The following CUBN variants were observed in gnomAD, a reference collection of about 807,000 sequenced individuals.
The protein encoded by CUBN is 460 kDa receptor.
In CUBN, 282 loss-of-function variants were observed where a neutral mutation model predicts 405.3. The observed-to-expected ratio is 0.70, with a 90% confidence interval of 0.63 to 0.77. The LOEUF (loss-of-function observed/expected upper bound fraction) is 0.77. Among genes scored for constraint, CUBN ranks in the 30% least tolerant of loss-of-function variants. The pLI, the probability that CUBN is intolerant of heterozygous loss-of-function variation, is 0.00. For synonymous variants in CUBN, 1,684 were observed against 1,617.0 expected (o/e 1.04, Z -0.99); for missense variants, 4,514 against 4,475.2 (o/e 1.01, Z -0.25).
intron 31 of CUBN, among the ~76,000 whole-genome samples, chr10:16,961,866 T>C (rs375039835): frequency 0.92 from 138,994 of 151,686 alleles, 64,289 homozygotes; most frequent in Non-Finnish European, 0.96. Context: ...CGCCCGCCAC[T>C]ACGCCTGGCT....
chr10:16,886,828 G>A (rs1049791973), intron 56 of CUBN, among the ~76,000 whole-genome samples: 15 of 152,144 alleles, frequency 9.9e-5, no homozygotes, highest in East Asian at 3.9e-4. Context: ...CGCTCTTGTC[G>A]CCCAGGCTGG....
At chr10:16,971,149 T>G (rs1345299871) in intron 31 of CUBN, among the ~76,000 whole-genome samples, 2 of 152,214 alleles carry the variant, frequency 1.3e-5, no homozygotes, top group Non-Finnish European at 2.9e-5. Context: ...CACTGGCAAC[T>G]GAATATTTTT....
intron 41 of CUBN, among the ~76,000 whole-genome samples, chr10:16,927,515 G>A (rs775192734): frequency 4.2e-4 from 64 of 152,286 alleles, no homozygotes; most frequent in Non-Finnish European, 6.3e-4. Flanking sequence ...GTTAGATTGA[G>A]AATCTACTTT....
chr10:16,982,403 T>A, intron 31 of CUBN, 81 bp downstream of exon 31: 5 of 1,226,950 alleles, frequency 4.1e-6, no homozygotes, highest in Non-Finnish European at 6.0e-6. Flanking sequence ...CCATAAGTAA[T>A]ACATTCACTA....
chr10:16,963,836 G>A (rs1360633341), intron 31 of CUBN, among the ~76,000 whole-genome samples: 1 of 152,182 alleles, frequency 6.6e-6, no homozygotes, highest in Non-Finnish European at 1.5e-5. Context: ...TGTACATAAA[G>A]TCTTAAAATA....
intron 14 of CUBN, among the ~76,000 whole-genome samples, chr10:17,095,557 C>T (rs1836355381): frequency 6.6e-6 from 1 of 151,902 alleles, no homozygotes; most frequent in South Asian, 2.1e-4. Context: ...CAATAAGATG[C>T]CACCTCATAC....
At chr10:16,870,164 T>G (rs1306149537) in intron 58 of CUBN, among the ~76,000 whole-genome samples, 1 of 152,164 alleles carries the variant, frequency 6.6e-6, no homozygotes, top group Non-Finnish European at 1.5e-5. Flanking sequence ...GAGAACAACT[T>G]TTGACAAGTT....
intron 43 of CUBN, among the ~76,000 whole-genome samples, chr10:16,920,759 T>C (rs1266128832): frequency 6.6e-6 from 1 of 152,212 alleles, no homozygotes; most frequent in East Asian, 1.9e-4. Context: ...TAAATATTCT[T>C]TGGCATTTTC....
intron 31 of CUBN, among the ~76,000 whole-genome samples, chr10:16,972,140 G>A (rs904727129): frequency 2.0e-5 from 3 of 152,048 alleles, no homozygotes; most frequent in East Asian, 1.9e-4. Context: ...AGCACTCAGC[G>A]CACCTCCTCA....
intron 59 of CUBN, among the ~76,000 whole-genome samples, chr10:16,868,186 C>G (rs1230358748): frequency 6.6e-6 from 1 of 152,144 alleles, no homozygotes; most frequent in African/African-American, 2.4e-5. Flanking sequence ...ACTGTTGAGA[C>G]AGCTAAGTAG....
chr10:17,047,548 G>T lies in CUBN; in HGVS notation c.3195C>A (p.Pro1065=). ...ATTCCCAGTTGTTGGGATAATTATT[G>T]GGGAAGTTTGGAGAAGTGAATGTCC... The part of the protein sequence containing the change: ...DLGTFTSPNF[P]NNYPNNWECI... Residue 1065 remains proline, a synonymous_variant, in exon 23 of 67, where the codon CCC becomes CCA. Transcript: ENST00000377833. 1 of 1,614,050 alleles carries T rather than the reference G, an allele frequency of 6.2e-7. No homozygotes were observed. Among genetic ancestry groups the T allele is most frequent in the Middle Eastern group, 1.7e-4 (1 of 6,060 alleles).
At chr10:16,873,188 T>C (rs2131372685) in intron 58 of CUBN, among the ~76,000 whole-genome samples, 1 of 152,126 alleles carries the variant, frequency 6.6e-6, no homozygotes, top group East Asian at 1.9e-4. Context: ...ATGAACAATA[T>C]TACTGTCAGA....
chr10:16,953,104 G>A (rs1455908794), intron 32 of CUBN, among the ~76,000 whole-genome samples: 3 of 152,128 alleles, frequency 2.0e-5, no homozygotes, highest in Non-Finnish European at 1.5e-5. Context: ...AGGTGGAGAC[G>A]GGACAGACAT....
At chr10:17,095,637 C>T (rs141574398) in intron 14 of CUBN, among the ~76,000 whole-genome samples, 1 of 151,806 alleles carries the variant, frequency 6.6e-6, no homozygotes, top group Non-Finnish European at 1.5e-5. Context: ...AAAAGGGAAC[C>T]CTTGTTGAAA....
rs964007338 is a variant in CUBN at position 16,990,335 on chromosome 10, T to A, written c.4349A>T (p.Glu1450Val). 3 of 1,614,024 alleles carry A rather than the reference T, an allele frequency of 1.9e-6. No individual in the cohort carries two copies. In the African/African-American group the frequency reaches 4.0e-5, roughly 22 times the overall value. Residue 1450 changes from glutamate (E) to valine (V), a missense_variant and splice_region_variant, in exon 29 of 67, where the codon GAG (glutamate) becomes GTG (valine). Glu to Val is a moderately radical substitution (Grantham distance 121). Around this residue, in one of 5 missense-constraint regions of CUBN, gnomAD observed 1,613 missense variants for 1,542.8 expected, o/e 1.05. Coordinates refer to ENST00000377833, the MANE Select transcript of CUBN (RefSeq NM_001081.4). ...TGAAAAAACCATCTCACTTCCTACC[T>A]CCAAGACATCAAAGTTGCACCTTGA... ...YHSRCNFDVL[E>V]IYGGPDFHSP... is the part of the protein sequence containing the mutation.
chr10:16,830,848 C>T (rs1443813563), intron 65 of CUBN, among the ~76,000 whole-genome samples: 3 of 152,120 alleles, frequency 2.0e-5, no homozygotes, highest in African/African-American at 7.2e-5. Flanking sequence ...GTAATCCCAG[C>T]ACTTTGGGAG....
rs752240965 is a variant in CUBN at position 17,044,989 on chromosome 10, T to G, written c.3672+18A>C. 23 of 1,611,892 alleles carry G rather than the reference T, an allele frequency of 1.4e-5. No individual in the cohort carries two copies. In the Admixed American group the frequency reaches 3.7e-4, roughly 26 times the overall value. On this transcript the variant is annotated intron_variant, in intron 25 of 66. Coordinates refer to ENST00000377833, the MANE Select transcript of CUBN (RefSeq NM_001081.4). ...GAGATGGGAGCAGGGAACAATATGATGGAAACATTATACATACAGCCAGGT... is the reference window on the plus strand; with the variant it reads ...GAGATGGGAGCAGGGAACAATATGAGGGAAACATTATACATACAGCCAGGT...
chr10:16,989,443 G>C (rs1313875737), intron 29 of CUBN, among the ~76,000 whole-genome samples: 1 of 145,274 alleles, frequency 6.9e-6, no homozygotes, highest in African/African-American at 2.5e-5. Context: ...CATATATCTG[G>C]GACATATCTA....
intron 14 of CUBN, among the ~76,000 whole-genome samples, chr10:17,097,223 C>T (rs1217463688): frequency 6.6e-6 from 1 of 151,918 alleles, no homozygotes; most frequent in Non-Finnish European, 1.5e-5. Flanking sequence ...AAAAAGATAA[C>T]ATAAATTATC....
Sources: gnomAD v4.1 joint callset for allele counts (sites outside exome capture counted in the v4.1 genomes callset) on GRCh38, gnomAD v4.1.1 for gene constraint, gnomAD v4.1.1 regional missense constraint, MANE v1.5 for transcripts, NCBI Gene and HGNC (gene_info 2026-07-23, HGNC 2026-07-21) for gene names.